IFT74: variants seen among roughly 807,000 people sequenced by gnomAD.
The protein encoded by IFT74 is intraflagellar transport 74, also known as intraflagellar transport protein 74 homolog.
IFT74 carries 92 observed loss-of-function variants against 96.7 expected under a neutral mutation model. That is an observed-to-expected ratio of 0.95 (90% CI 0.80 to 1.13). IFT74 has a LOEUF of 1.13. Ranked by LOEUF, IFT74 falls within the 50% of genes most tolerant of loss-of-function variation. The pLI is 0.00. For missense variants in IFT74, 811 were observed against 698.2 expected, an observed-to-expected ratio of 1.16 and a Z score of -1.82; for synonymous variants, 223 against 213.2, an observed-to-expected ratio of 1.05 and a Z score of -0.40.
In IFT74 at chr9:27,016,993, T is replaced by G. The variant is rs1183978072; in HGVS notation, c.876T>G (p.Ile292Met). The G allele has an allele frequency of 1.2e-6, 2 of 1,610,988 alleles. No homozygotes were observed. The highest frequency in any genetic ancestry group is 2.2e-5 in the East Asian group (1 of 44,718). Residue 292 changes from isoleucine (I) to methionine (M), a missense_variant, in exon 11 of 20, where the codon ATT becomes ATG. Transcript: ENST00000380062. The part of the protein sequence containing the change: ...YELESHRDQM[I>M]AEDKSIGSPM... ...TGGAGTCCCATCGAGATCAAATGAT[T>G]GCAGAAGACAAAAGCATAGGATCTC...
chr9:27,032,569 T>G (rs145882345), intron 13 of IFT74, among the ~76,000 whole-genome samples: 9 of 151,250 alleles, frequency 6.0e-5, no homozygotes, highest in Admixed American at 2.0e-4. Flanking sequence ...CTTTTCAGCT[T>G]AAAAAAAAAG....
At chr9:26,984,635 T>A in intron 6 of IFT74, 76 bp downstream of exon 6, 1 of 1,139,702 alleles carries the variant, frequency 8.8e-7, no homozygotes, top group East Asian at 2.4e-5. Context: ...AATACATTAG[T>A]AGGCAAAGGA....
chr9:27,040,817 A>C (rs1001355033), intron 13 of IFT74, among the ~76,000 whole-genome samples: 5 of 152,164 alleles, frequency 3.3e-5, no homozygotes, highest in African/African-American at 1.2e-4. Context: ...CTATTTGGAA[A>C]ATGGTAATCA....
intron 8 of IFT74, among the ~76,000 whole-genome samples, chr9:27,004,802 T>A (rs1306580619): frequency 1.3e-5 from 2 of 152,160 alleles, no homozygotes; most frequent in Admixed American, 6.5e-5. Context: ...GTTTCTTTTG[T>A]TATTTCACAA....
chr9:26,994,800 G>A (rs4993020), intron 8 of IFT74: 149,921 of 152,702 alleles, frequency 0.98, 73,652 homozygotes, highest in East Asian at 1. Flanking sequence ...AGAGAGAGGT[G>A]GAAATATGTA....
In IFT74 at chr9:27,064,575, G is replaced by A. The variant is rs1820552740; in HGVS notation, c.*1839G>A. 6.6e-6 allele frequency among the ~76,000 whole-genome samples: 1 copy of A among 152,078 alleles called. No individual in the cohort carries two copies. Among genetic ancestry groups the A allele is most frequent in the Admixed American group, 6.5e-5 (1 of 15,268 alleles). On this transcript the variant is annotated 3_prime_UTR_variant, in exon 20 of 20. Coordinates refer to ENST00000380062, the MANE Select transcript of IFT74 (RefSeq NM_025103.4). ...TACAGTAACAAACAGAGGTATGATT[G>A]AGCATAGAGTTTAGGCAAGAGAACT...
At chr9:27,036,495 G>A (rs1040160301) in intron 13 of IFT74, 2 of 1,613,656 alleles carry the variant, frequency 1.2e-6, no homozygotes, top group Admixed American at 3.3e-5. Flanking sequence ...AATACAGGAA[G>A]TTTCAAAAAG....
intron 18 of IFT74, among the ~76,000 whole-genome samples, 200 bp downstream of exon 18, chr9:27,056,659 C>T (rs1043161081): frequency 1.3e-5 from 2 of 152,022 alleles, no homozygotes; most frequent in African/African-American, 4.8e-5. Context: ...TGAAAGCCAA[C>T]TCTGTTAGAT....
chr9:26,959,199 T>G (rs960850151), intron 1 of IFT74, among the ~76,000 whole-genome samples: 2 of 152,046 alleles, frequency 1.3e-5, no homozygotes, highest in African/African-American at 2.4e-5. Flanking sequence ...AGCTCTGCCT[T>G]CCGGGTTCAC....
chr9:27,019,863 C>T (rs763749978), intron 12 of IFT74, among the ~76,000 whole-genome samples: 1 of 152,068 alleles, frequency 6.6e-6, no homozygotes, highest in Non-Finnish European at 1.5e-5. Flanking sequence ...TTTTCCAAAA[C>T]AGCTTTACCA....
chr9:27,034,851 C>T (rs1191224359), intron 13 of IFT74, among the ~76,000 whole-genome samples: 1 of 152,144 alleles, frequency 6.6e-6, no homozygotes, highest in Non-Finnish European at 1.5e-5. Flanking sequence ...ATTTTAAGCA[C>T]ATGTCCTGTT....
intron 13 of IFT74, among the ~76,000 whole-genome samples, chr9:27,033,938 T>G (rs1830242058): frequency 1.3e-5 from 2 of 152,202 alleles, no homozygotes; most frequent in South Asian, 4.1e-4. Context: ...TCAGTCAAGA[T>G]AAGGTACACA....
chr9:27,040,794 T>C (rs1819444263), intron 13 of IFT74, among the ~76,000 whole-genome samples: 1 of 151,986 alleles, frequency 6.6e-6, no homozygotes, highest in African/African-American at 2.4e-5. Flanking sequence ...GGAGAGAAGA[T>C]TGGGATAGCC....
chr9:27,021,191 G>A (rs1314435527), intron 12 of IFT74, among the ~76,000 whole-genome samples: 7 of 151,688 alleles, frequency 4.6e-5, no homozygotes, highest in East Asian at 1.9e-4. Context: ...AAATATATAC[G>A]CACACACACA....
chr9:27,012,182 C>G (rs1829114732), intron 10 of IFT74, among the ~76,000 whole-genome samples: 1 of 152,098 alleles, frequency 6.6e-6, no homozygotes, highest in South Asian at 2.1e-4. Context: ...TAAAACAAAT[C>G]ATTCCGCCCT....
In IFT74 at chr9:26,970,682, G is replaced by A. The variant is rs181447724; in HGVS notation, c.121-7446G>A. On this transcript the variant is annotated intron_variant, in intron 2 of 19. Coordinates refer to ENST00000380062, the MANE Select transcript of IFT74 (RefSeq NM_025103.4). ...AACATTGTCTTCTAAAGATCACTCG[G>A]GTTAACCCTTAACTCATTTTATTTG... 5.9e-5 allele frequency among the ~76,000 whole-genome samples: 9 copies of A among 152,276 alleles called. 1 individual carries two copies. In the East Asian group the frequency reaches 1.4e-3, roughly 23 times the overall value.
chr9:26,947,216 G>C, intron 1 of IFT74: 1 of 696,766 alleles, frequency 1.4e-6, no homozygotes, highest in Non-Finnish European at 2.3e-6. Flanking sequence ...GGGGCGCGCC[G>C]AGCGGGCCGA....
At chr9:27,000,128 T>C (rs767064200) in intron 8 of IFT74, among the ~76,000 whole-genome samples, 1 of 152,128 alleles carries the variant, frequency 6.6e-6, no homozygotes, top group Non-Finnish European at 1.5e-5. Flanking sequence ...AACAAGTGCA[T>C]GGCCATTCAC....
In IFT74 at chr9:27,063,399, C is replaced by T. The variant is rs2131721300; in HGVS notation, c.*663C>T. Among the ~76,000 whole-genome samples, 1 of 152,228 alleles carries T rather than the reference C, an allele frequency of 6.6e-6. No individual in the cohort carries two copies. The highest frequency in any genetic ancestry group is 1.9e-4 in the East Asian group (1 of 5,188). On this transcript the variant is annotated 3_prime_UTR_variant, in exon 20 of 20. Transcript: ENST00000380062. Reference sequence around the variant, plus strand: ...GGGCTGTTTTGGACTATGGCTACTGCTGTTCATTGCCACCCTGCAGTATGC... The same window carrying T: ...GGGCTGTTTTGGACTATGGCTACTGTTGTTCATTGCCACCCTGCAGTATGC...
Sources: allele counts gnomAD v4.1 joint callset (sites outside exome capture counted in the v4.1 genomes callset), GRCh38; gene constraint gnomAD v4.1.1; transcripts MANE v1.5; gene names NCBI Gene and HGNC (gene_info 2026-07-23, HGNC 2026-07-21).